Variants in BRAF observed in about 807,000 individuals in gnomAD.
BRAF encodes the protein serine/threonine-protein kinase B-raf.
Under a neutral mutation model 104.6 loss-of-function variants are expected in BRAF, and 16 were observed. That is an observed-to-expected ratio of 0.15 (90% CI 0.10 to 0.23). The LOEUF is 0.23. Among genes scored for constraint, BRAF ranks in the 10% least tolerant of loss-of-function variants. The probability of loss-of-function intolerance (pLI) is 1.00; values close to 1 mark genes in which losing one functional copy is unlikely to be tolerated. For missense variants in BRAF, 541 were observed against 937.3 expected (o/e 0.58, Z 5.52); for synonymous variants, 310 against 341.6 (o/e 0.91, Z 1.02).
chr7:140,807,209 G>C (rs142351898), intron 5 of BRAF, among the ~76,000 whole-genome samples: 46 of 152,228 alleles, frequency 3.0e-4, no homozygotes, highest in African/African-American at 1.1e-3. Context: ...GCCTCATGGA[G>C]AGTTTAATAT....
At chr7:140,742,728 TAACTA>T (rs1430257374) in intron 17 of BRAF, among the ~76,000 whole-genome samples, 1 of 152,142 alleles carries the variant, frequency 6.6e-6, no homozygotes, top group Non-Finnish European at 1.5e-5. Flanking sequence ...AAATGGGATC[TAACTA>T]AACTAAAGAG....
At chr7:140,923,722 A>G (rs1818520746) in intron 1 of BRAF, among the ~76,000 whole-genome samples, 1 of 152,112 alleles carries the variant, frequency 6.6e-6, no homozygotes, top group African/African-American at 2.4e-5. Flanking sequence ...AGGATTTGTG[A>G]AGATAACAAC....
intron 8 of BRAF, among the ~76,000 whole-genome samples, chr7:140,791,341 G>T (rs559810517): frequency 4.6e-5 from 7 of 152,090 alleles, no homozygotes; most frequent in Non-Finnish European, 8.8e-5. Context: ...TATCTCATTT[G>T]AATCGTAATG....
intron 19 of BRAF, chr7:140,731,858 T>A (rs1188804275): frequency 4.6e-5 from 7 of 151,694 alleles, no homozygotes; most frequent in Non-Finnish European, 1.0e-4. Context: ...TATAAAAAGG[T>A]TTCCTTACTG....
chr7:140,820,687 C>T (rs1035990165), intron 3 of BRAF, among the ~76,000 whole-genome samples: 31 of 152,202 alleles, frequency 2.0e-4, no homozygotes, highest in African/African-American at 7.0e-4. Context: ...TGCCTATAAT[C>T]CCAGCACTAT....
rs1801515098 is a variant in BRAF at position 140,787,533 on chromosome 7, G to T, written c.1177+15C>A. Reference sequence around the variant, plus strand: ...TTTCCTTGAGTTTTTAAAAAAACCTGAAATCACTACTTACCTCCATCACCA... The same window carrying T: ...TTTCCTTGAGTTTTTAAAAAAACCTTAAATCACTACTTACCTCCATCACCA... On this transcript the variant is annotated intron_variant, in intron 9 of 19. Coordinates refer to ENST00000644969, the MANE Select transcript of BRAF (RefSeq NM_001374258.1). 1 of 1,609,758 alleles carries T rather than the reference G, an allele frequency of 6.2e-7. No homozygotes were observed. The highest frequency in any genetic ancestry group is 8.5e-7 in the Non-Finnish European group (1 of 1,176,568).
At chr7:140,872,197 A>AC (rs1426545759) in intron 1 of BRAF, among the ~76,000 whole-genome samples, 2 of 143,980 alleles carry the variant, frequency 1.4e-5, no homozygotes, top group Non-Finnish European at 3.0e-5. Context: ...CCTGGGCAAC[A>AC]AGAGTGAAAC....
chr7:140,909,845 CAAA>C (rs200071347), intron 1 of BRAF, among the ~76,000 whole-genome samples: 9 of 146,934 alleles, frequency 6.1e-5, no homozygotes, highest in Admixed American at 1.3e-4. Context: ...ACAACAACAA[CAAA>C]AAAGTGCCTC....
intron 8 of BRAF, among the ~76,000 whole-genome samples, chr7:140,790,924 T>C (rs1193901328): frequency 5.9e-5 from 9 of 152,140 alleles, no homozygotes; most frequent in African/African-American, 7.2e-5. Context: ...TTGGCCAACA[T>C]GGCAAAACCC....
At chr7:140,846,921 C>T (rs533499128) in intron 2 of BRAF, among the ~76,000 whole-genome samples, 4 of 151,934 alleles carry the variant, frequency 2.6e-5, no homozygotes, top group South Asian at 2.1e-4. Context: ...TTAGGGAGGC[C>T]GAGGCAGGTG....
At position 140,722,311 on chromosome 7, in the gene BRAF, A is replaced by AT. The variant is rs765833237; in HGVS notation, c.*4182dup. The AT allele has an allele frequency of 3.7e-5, 39 of 1,055,628 alleles. No individual in the cohort carries two copies. Among genetic ancestry groups the AT allele is most frequent in the Non-Finnish European group, 4.2e-5 (37 of 873,200 alleles). 65.4% of individuals were successfully genotyped at this position (1,055,628 alleles called of 1,614,324 possible). On this transcript the variant is annotated 3_prime_UTR_variant, in exon 20 of 20. Coordinates refer to ENST00000644969, the MANE Select transcript of BRAF (RefSeq NM_001374258.1). ...TATAAACTCTTTAGTGCATTTACCT[A>AT]TGCAGTCTAAATTGCACTCTAAAAA...
At chr7:140,840,348 ATCC>A (rs1244875094) in intron 2 of BRAF, among the ~76,000 whole-genome samples, 2 of 84,012 alleles carry the variant, frequency 2.4e-5, no homozygotes, top group African/African-American at 3.9e-4. Context: ...TTGGAATTCC[ATCC>A]ACATTTAAAC....
At chr7:140,913,515 G>T (rs1292408352) in intron 1 of BRAF, among the ~76,000 whole-genome samples, 2 of 108,552 alleles carry the variant, frequency 1.8e-5, no homozygotes, top group East Asian at 6.2e-4. Flanking sequence ...ACAGAGTCTC[G>T]CTCTGTAGCC....
At chr7:140,729,569 C>T (rs1454084393) in intron 19 of BRAF, among the ~76,000 whole-genome samples, 2 of 151,792 alleles carry the variant, frequency 1.3e-5, no homozygotes, top group Non-Finnish European at 2.9e-5. Context: ...ATCACCTGAG[C>T]TCAGCAGTTC....
At chr7:140,862,938 T>C (rs1044014626) in intron 1 of BRAF, among the ~76,000 whole-genome samples, 13 of 152,310 alleles carry the variant, frequency 8.5e-5, no homozygotes, top group African/African-American at 3.1e-4. Context: ...CAAAAATGAC[T>C]GTGAATCTGG....
chr7:140,873,705 G>A (rs1218995431), intron 1 of BRAF, among the ~76,000 whole-genome samples: 1 of 152,126 alleles, frequency 6.6e-6, no homozygotes, highest in Admixed American at 6.6e-5. Flanking sequence ...GGTCTGGACA[G>A]GGCCCACACC....
chr7:140,814,774 C>T (rs1361738251), intron 3 of BRAF, among the ~76,000 whole-genome samples: 4 of 135,136 alleles, frequency 3.0e-5, no homozygotes, highest in Non-Finnish European at 4.6e-5. Context: ...TTATATATAA[C>T]ATATATATTA....
intron 16 of BRAF, among the ~76,000 whole-genome samples, chr7:140,750,704 G>A (rs1797717183): frequency 6.6e-6 from 1 of 152,150 alleles, no homozygotes. Context: ...AAGCAAGCCA[G>A]AATACTGAGA....
intron 3 of BRAF, among the ~76,000 whole-genome samples, chr7:140,819,013 T>C (rs1216872066): frequency 2.0e-5 from 3 of 152,180 alleles, no homozygotes; most frequent in Non-Finnish European, 2.9e-5. Context: ...GAGCATTCAG[T>C]TTTATTCTTG....
Sources: allele counts gnomAD v4.1 joint callset (sites outside exome capture counted in the v4.1 genomes callset), GRCh38; gene constraint gnomAD v4.1.1; transcripts MANE v1.5; gene names NCBI Gene and HGNC (gene_info 2026-07-23, HGNC 2026-07-21).